Variants in LSM2 observed in about 807,000 individuals in gnomAD.
LSM2 encodes the protein LSM2 homolog, U6 small nuclear RNA and mRNA degradation associated.
A neutral mutation model predicts 17.0 loss-of-function variants in LSM2; 12 were observed. The ratio of observed to expected loss-of-function variants is 0.70; its 90% confidence interval spans 0.45 to 1.14. The LOEUF (loss-of-function observed/expected upper bound fraction) is 1.14. Among genes scored for constraint, LSM2 ranks in the 50% most tolerant of loss-of-function variants. The pLI, the probability that LSM2 is intolerant of heterozygous loss-of-function variation, is 0.00. For missense variants in LSM2, 62 were observed against 111.8 expected (o/e 0.55, Z 2.01); for synonymous variants, 42 against 44.5 (o/e 0.94, Z 0.22).
rs1318861555 is a variant in LSM2 at position 31,799,652 on chromosome 6, G to A, written c.72-1145C>T. On this transcript the variant is annotated intron_variant, in intron 2 of 4. Coordinates refer to ENST00000375661, the MANE Select transcript of LSM2 (RefSeq NM_021177.5). The stretch of plus-strand genomic sequence containing the variant: ...ATTACAGGCATGAGCCACCATTCCC[G>A]ACTTTTTTTTTTTTTTTTTGTAGAG... Among the ~76,000 whole-genome samples, 10 of 140,778 alleles carry A rather than the reference G, an allele frequency of 7.1e-5. No individual in the cohort carries two copies. In the Admixed American group the frequency reaches 7.1e-4, roughly 10 times the overall value. 92.4% of individuals were successfully genotyped at this position (140,778 alleles called of 152,430 possible). A position where few individuals can be genotyped will look rare whatever the true frequency, so the allele number is the denominator to read the frequency against.
chr6:31,797,734 G>A lies in LSM2; in HGVS notation c.*23C>T. Reference sequence around the variant, plus strand: ...GGTTATGGGTCACCAATGAAAGAGGGAGGGGAAGAGGAGGAGGAGCCATCA... The same window carrying A: ...GGTTATGGGTCACCAATGAAAGAGGAAGGGGAAGAGGAGGAGGAGCCATCA... On this transcript the variant is annotated 3_prime_UTR_variant, in exon 5 of 5. Transcript: ENST00000375661. 1 of 1,612,146 alleles carries A rather than the reference G, an allele frequency of 6.2e-7. No individual in the cohort carries two copies. Among genetic ancestry groups the A allele is most frequent in the Non-Finnish European group, 8.5e-7 (1 of 1,179,976 alleles).
intron 1 of LSM2, 108 bp downstream of exon 1, chr6:31,806,647 G>A: frequency 7.2e-7 from 1 of 1,383,780 alleles, no homozygotes. Flanking sequence ...TAAAGATGAA[G>A]ATAAAAACTC....
rs376861218 is a variant in LSM2, at chr6:31,806,807, T to C, written c.-50A>G. The C allele has an allele frequency of 1.9e-4, 307 of 1,597,194 alleles. No individual in the cohort carries two copies. The highest frequency in any genetic ancestry group is 2.5e-4 in the Non-Finnish European group (291 of 1,173,516). ...CCGGACCGGGAAGACAGCAGGGTGC[T>C]GCGAGCAGGTCTGGGGAAACCGAAG... On this transcript the variant is annotated 5_prime_UTR_variant, in exon 1 of 5. Coordinates refer to ENST00000375661, the MANE Select transcript of LSM2 (RefSeq NM_021177.5).
chr6:31,801,170 C>CAAA (rs9281582), intron 2 of LSM2, among the ~76,000 whole-genome samples: 57 of 52,784 alleles, frequency 1.1e-3, no homozygotes, highest in African/African-American at 1.8e-3. Flanking sequence ...GGATCTGTCT[C>CAAA]AAAAAAAAAA....
In LSM2 at chr6:31,806,891, A is replaced by G. The variant is rs1815079844; in HGVS notation, c.-134T>C. On this transcript the variant is annotated 5_prime_UTR_variant, in exon 1 of 5. Transcript: ENST00000375661. ...GCAGGCGCAGCGGGAAGCGACGCAG[A>G]AAGCTCCAAGCGCTGACGGGCAAAG... The G allele has an allele frequency of 2.4e-6, 3 of 1,245,184 alleles. No homozygotes were observed. The African/African-American group carries it at 4.7e-5, about 20-fold the overall frequency. 77.1% of individuals were successfully genotyped at this position (1,245,184 alleles called of 1,614,324 possible).
intron 1 of LSM2, chr6:31,806,406 C>T: frequency 1.7e-6 from 1 of 601,016 alleles, no homozygotes; most frequent in Non-Finnish European, 2.9e-6. Context: ...CTCTCTCAGT[C>T]GACCACCTTT....
chr6:31,806,166 C>G (rs545831478), intron 1 of LSM2, 24 bp from the exon 2 acceptor site: 2 of 1,608,622 alleles, frequency 1.2e-6, no homozygotes, highest in East Asian at 4.5e-5. Flanking sequence ...GGGGGAAAAC[C>G]ATCATGTGGG....
intron 1 of LSM2, 55 bp downstream of exon 1, chr6:31,806,700 G>C: frequency 6.3e-7 from 1 of 1,599,980 alleles, no homozygotes. Context: ...CAGATCCCCC[G>C]CCCCAACCAT....
At chr6:31,797,940 G>A (rs758843914) in intron 4 of LSM2, 50 bp downstream of exon 4, 3 of 1,612,018 alleles carry the variant, frequency 1.9e-6, no homozygotes, top group Non-Finnish European at 2.5e-6. Context: ...AACCACCCAG[G>A]GGCCTCCTGC....
In LSM2 at chr6:31,806,949, G is replaced by A; in HGVS notation, c.-192C>T. On this transcript the variant is annotated 5_prime_UTR_variant, in exon 1 of 5. Transcript: ENST00000375661. The stretch of plus-strand genomic sequence containing the variant: ...GACTTGCGGCTGGGGAGCGCAAGCT[G>A]GGTAGAGTAGAGGGGAGGAGGAAGC... The A allele has an allele frequency of 4.5e-6, 3 of 672,348 alleles. No individual in the cohort carries two copies. Among genetic ancestry groups the A allele is most frequent in the Admixed American group, 3.2e-5 (1 of 31,194 alleles). The allele number at this position is 672,348 out of a possible 1,614,324, so 41.6% of individuals were successfully genotyped here. A position where few individuals can be genotyped will look rare whatever the true frequency, so the allele number is the denominator to read the frequency against.
At chr6:31,801,668 C>T (rs1329091791) in intron 2 of LSM2, among the ~76,000 whole-genome samples, 2 of 151,936 alleles carry the variant, frequency 1.3e-5, no homozygotes, top group African/African-American at 4.8e-5. Flanking sequence ...TGGTGGCATG[C>T]ACCGGTAATC....
chr6:31,798,174 T>G, intron 3 of LSM2, 125 bp from the exon 4 acceptor site: 1 of 934,526 alleles, frequency 1.1e-6, no homozygotes, highest in Non-Finnish European at 1.5e-6. Flanking sequence ...CTCCGCCTCC[T>G]GGGTTCAAAT....
At chr6:31,806,002 T>A (rs1815010129) in intron 2 of LSM2, 73 bp downstream of exon 2, 1 of 1,352,644 alleles carries the variant, frequency 7.4e-7, no homozygotes, top group Non-Finnish European at 1.1e-6. Context: ...CCCTGAAATA[T>A]TTCTCAAATT....
At chr6:31,800,524 G>GGGC in intron 2 of LSM2, among the ~76,000 whole-genome samples, 1 of 152,138 alleles carries the variant, frequency 6.6e-6, no homozygotes, top group Non-Finnish European at 1.5e-5. Context: ...AGGCCAAGGT[G>GGGC]GGCGGATCAC....
At position 31,798,502 on chromosome 6, in the gene LSM2, C is replaced by G; in HGVS notation, c.77G>C (p.Cys26Ser). 6.2e-7 allele frequency: 1 copy of G among 1,612,920 alleles called. No homozygotes were observed. The highest frequency in any genetic ancestry group is 8.5e-7 in the Non-Finnish European group (1 of 1,179,986). Residue 26 changes from cysteine (C) to serine (S), a missense_variant, in exon 3 of 5, where the codon TGT becomes TCT. By Grantham distance (112) the Cys-to-Ser change is moderately radical. Transcript: ENST00000375661. Reference sequence around the variant, plus strand: ...CTGATCCACAGAATGGAGGGTTCCACAGATGCTGTCAAGGGCAGAGGGAGA... The same window carrying G: ...CTGATCCACAGAATGGAGGGTTCCAGAGATGCTGTCAAGGGCAGAGGGAGA... ...VVELKNDLSI[C>S]GTLHSVDQYL...
At chr6:31,801,170 C>CAAAAAAAAAAAAAAAAAAA in intron 2 of LSM2, among the ~76,000 whole-genome samples, 1 of 53,314 alleles carries the variant, frequency 1.9e-5, no homozygotes, top group Non-Finnish European at 4.0e-5. Flanking sequence ...GGATCTGTCT[C>CAAAAAAAAAAAAAAAAAAA]AAAAAAAAAA....
intron 1 of LSM2, 94 bp downstream of exon 1, chr6:31,806,661 A>C: frequency 2.0e-6 from 3 of 1,491,458 alleles, no homozygotes; most frequent in Non-Finnish European, 2.8e-6. Context: ...AAAACTCCGG[A>C]CCTAACTCCA....
At position 31,797,979 on chromosome 6, in the gene LSM2, C is replaced by T. The variant is rs781258285; in HGVS notation, c.162+11G>A. 6.2e-7 allele frequency: 1 copy of T among 1,608,304 alleles called. No individual in the cohort carries two copies. ...AGAGGTGTTTCCTCTTCTCCACAGACCCCAACTCACCATGTGAGGGTATTT... is the reference window on the plus strand; with the variant it reads ...AGAGGTGTTTCCTCTTCTCCACAGATCCCAACTCACCATGTGAGGGTATTT... On this transcript the variant is annotated intron_variant, in intron 4 of 4. Transcript: ENST00000375661.
rs776470253 is a variant in LSM2 at position 31,798,462 on chromosome 6, C to T, written c.102+15G>A. 13 of 1,612,720 alleles carry T rather than the reference C, an allele frequency of 8.1e-6. No homozygotes were observed. Among genetic ancestry groups the T allele is most frequent in the African/African-American group, 4.0e-5 (3 of 74,896 alleles). On this transcript the variant is annotated intron_variant, in intron 3 of 4. Coordinates refer to ENST00000375661, the MANE Select transcript of LSM2 (RefSeq NM_021177.5). The stretch of plus-strand genomic sequence containing the variant: ...TTCTCCAGGAACCAATTCTGGGGCC[C>T]GTGCTATATCTCACCTGATCCACAG...
Sources: gnomAD v4.1 joint callset for allele counts (sites outside exome capture counted in the v4.1 genomes callset) on GRCh38, gnomAD v4.1.1 for gene constraint, MANE v1.5 for transcripts, NCBI Gene and HGNC (gene_info 2026-07-23, HGNC 2026-07-21) for gene names.